The following VPS13B variants were observed in gnomAD, a reference collection of about 807,000 sequenced individuals.
VPS13B encodes intermembrane lipid transfer protein VPS13B.
Under a neutral mutation model 426.4 loss-of-function variants are expected in VPS13B, and 285 were observed. The ratio of observed to expected loss-of-function variants is 0.67; its 90% CI spans 0.61 to 0.74. The LOEUF (loss-of-function observed/expected upper bound fraction) is 0.74, where lower values mean the gene tolerates loss of function less well. Ranked by LOEUF, VPS13B falls within the 30% of genes least tolerant of loss-of-function variation. VPS13B has a pLI of 0.00. For synonymous variants in VPS13B, 1,676 were observed against 1,676.4 expected (o/e 1.00, Z 0.01); for missense variants, 4,537 against 4,782.6 (o/e 0.95, Z 1.51).
intron 34 of VPS13B, among the ~76,000 whole-genome samples, chr8:99,644,619 A>T (rs1829506100): frequency 6.7e-6 from 1 of 149,526 alleles, no homozygotes; most frequent in Non-Finnish European, 1.5e-5. Context: ...TCTAAGGAGC[A>T]TTTTCTGCAT....
chr8:99,840,586 G>T (rs372085515), intron 54 of VPS13B, among the ~76,000 whole-genome samples: 32 of 152,264 alleles, frequency 2.1e-4, no homozygotes, highest in African/African-American at 7.0e-4. Context: ...GGGTCAATCA[G>T]CCAGACTCCA....
chr8:99,692,224 A>C (rs1330640974), intron 35 of VPS13B, among the ~76,000 whole-genome samples: 2 of 148,256 alleles, frequency 1.3e-5, no homozygotes, highest in African/African-American at 5.0e-5. Context: ...CTCCACCCCA[A>C]ATCAACAGAA....
At chr8:99,440,683 T>G (rs1817638137) in intron 22 of VPS13B, among the ~76,000 whole-genome samples, 1 of 152,126 alleles carries the variant, frequency 6.6e-6, no homozygotes, top group African/African-American at 2.4e-5. Context: ...TTGCTCACAT[T>G]GTTTACACTT....
chr8:99,863,288 TA>T (rs1816923616), intron 58 of VPS13B, among the ~76,000 whole-genome samples: 1 of 152,074 alleles, frequency 6.6e-6, no homozygotes, highest in African/African-American at 2.4e-5. Context: ...CAAAAAGAAA[TA>T]TTTGAGCAAC....
chr8:99,727,671 C>G (rs937103284), intron 39 of VPS13B, among the ~76,000 whole-genome samples: 4 of 152,208 alleles, frequency 2.6e-5, no homozygotes, highest in Non-Finnish European at 5.9e-5. Context: ...CATTCATCTC[C>G]CACTGGTTCC....
intron 17 of VPS13B, chr8:99,232,952 G>A: frequency 3.1e-6 from 2 of 641,350 alleles, no homozygotes; most frequent in South Asian, 3.9e-5. Flanking sequence ...ATGGTCTTTG[G>A]TTTGCTTCCG....
At chr8:99,458,040 A>T (rs1818589177) in intron 23 of VPS13B, among the ~76,000 whole-genome samples, 3 of 151,924 alleles carry the variant, frequency 2.0e-5, no homozygotes, top group Admixed American at 2.0e-4. Context: ...AACATTAGTT[A>T]TATCTCCCAA....
intron 2 of VPS13B, among the ~76,000 whole-genome samples, chr8:99,034,604 G>C (rs1842659279): frequency 6.6e-6 from 1 of 151,994 alleles, no homozygotes; most frequent in Non-Finnish European, 1.5e-5. Flanking sequence ...TAGACTACCA[G>C]TAATATATAT....
chr8:99,375,985 C>T (rs370433168), intron 19 of VPS13B, among the ~76,000 whole-genome samples: 17 of 152,294 alleles, frequency 1.1e-4, no homozygotes, highest in African/African-American at 3.6e-4. Flanking sequence ...AATTTTAATA[C>T]TGTGCATCTT....
At chr8:99,507,001 G>T in intron 27 of VPS13B, 136 bp from the exon 28 acceptor site, 1 of 858,884 alleles carries the variant, frequency 1.2e-6, no homozygotes. Context: ...TTGTTCTATT[G>T]ATTGCATTGT....
intron 61 of VPS13B, among the ~76,000 whole-genome samples, chr8:99,872,541 G>C (rs1295420064): frequency 6.6e-6 from 1 of 152,206 alleles, no homozygotes. Flanking sequence ...CCAGCTTCCT[G>C]TAGCCCAGCC....
At chr8:99,093,601 T>C (rs1185127655) in intron 3 of VPS13B, among the ~76,000 whole-genome samples, 1 of 147,606 alleles carries the variant, frequency 6.8e-6, no homozygotes, top group East Asian at 2.1e-4. Flanking sequence ...CATTGTTCAA[T>C]TCCCACCTAT....
chr8:99,626,250 T>C (rs915932788), intron 33 of VPS13B, among the ~76,000 whole-genome samples: 3 of 152,198 alleles, frequency 2.0e-5, no homozygotes, highest in Admixed American at 2.0e-4. Context: ...CAGTAGAATA[T>C]TACTTGACCA....
intron 17 of VPS13B, among the ~76,000 whole-genome samples, chr8:99,268,114 T>A (rs1219925076): frequency 6.6e-6 from 1 of 151,978 alleles, no homozygotes; most frequent in Non-Finnish European, 1.5e-5. Flanking sequence ...AAAATTGAGG[T>A]TTGGGAACCT....
At position 99,013,863 on chromosome 8, in the gene VPS13B, T is replaced by C. The variant is rs1208206064; in HGVS notation, c.75T>C (p.Asp25=). Residue 25 remains aspartate (D), a synonymous_variant, in exon 2 of 62, where the codon GAT becomes GAC. Coordinates refer to ENST00000357162, the MANE Select transcript of VPS13B (RefSeq NM_152564.5). ...ACATCAAGAACTTAAAGCCGTCGGA[T>C]CTACAGCTTTCACTATGGGGTGGAG... The part of the protein sequence containing the change: ...NRYIKNLKPS[D]LQLSLWGGDV... 15 of 1,614,210 alleles carry C rather than the reference T, an allele frequency of 9.3e-6. No homozygotes were observed. The highest frequency in any genetic ancestry group is 4.5e-5 in the East Asian group (2 of 44,880).
chr8:99,455,929 G>A (rs1818432784), intron 23 of VPS13B, among the ~76,000 whole-genome samples: 1 of 152,196 alleles, frequency 6.6e-6, no homozygotes, highest in South Asian at 2.1e-4. Flanking sequence ...TTAGGTACAT[G>A]TATTTGTATG....
At chr8:99,367,089 C>T (rs2133252158) in intron 19 of VPS13B, among the ~76,000 whole-genome samples, 1 of 152,222 alleles carries the variant, frequency 6.6e-6, no homozygotes, top group South Asian at 2.1e-4. Context: ...CTTACTATTA[C>T]CAGAGAGTTT....
At chr8:99,497,743 A>C (rs1388477486) in intron 25 of VPS13B, among the ~76,000 whole-genome samples, 2 of 152,136 alleles carry the variant, frequency 1.3e-5, no homozygotes, top group Admixed American at 6.5e-5. Context: ...CCTATGCAGT[A>C]ATCTACCTCA....
intron 23 of VPS13B, among the ~76,000 whole-genome samples, chr8:99,465,774 C>T (rs1819081440): frequency 6.6e-6 from 1 of 151,784 alleles, no homozygotes; most frequent in African/African-American, 2.4e-5. Flanking sequence ...GTCATTCTTC[C>T]TAGGGGGAAA....
Sources: gnomAD v4.1 joint callset for allele counts (sites outside exome capture counted in the v4.1 genomes callset) on GRCh38, gnomAD v4.1.1 for gene constraint, MANE v1.5 for transcripts, NCBI Gene and HGNC (gene_info 2026-07-23, HGNC 2026-07-21) for gene names.